UST: variants seen among roughly 807,000 people sequenced by gnomAD.
The protein encoded by UST is uronyl 2-sulfotransferase, also known as chondroitin sulfate 2-O-sulfotransferase.
In UST, 21 loss-of-function variants were observed where a neutral mutation model predicts 45.6. That is an observed-to-expected ratio of 0.46 (90% CI 0.33 to 0.66). The LOEUF (loss-of-function observed/expected upper bound fraction) is 0.66. Ranked by LOEUF, UST falls within the 30% of genes least tolerant of loss-of-function variation. The pLI is 0.02. For synonymous variants in UST, 215 were observed against 200.6 expected (o/e 1.07, Z -0.61); for missense variants, 463 against 512.4 (o/e 0.90, Z 0.93).
At chr6:148,963,119 A>G (rs972529195) in intron 4 of UST, among the ~76,000 whole-genome samples, 3 of 152,188 alleles carry the variant, frequency 2.0e-5, no homozygotes, top group Non-Finnish European at 4.4e-5. Context: ...GGCACAGAGG[A>G]GGGAGGCATG....
intron 1 of UST, among the ~76,000 whole-genome samples, chr6:148,768,395 A>G (rs1176768414): frequency 6.6e-6 from 1 of 152,182 alleles, no homozygotes; most frequent in East Asian, 1.9e-4. Context: ...TTTGACATAC[A>G]TGCAAGTAAT....
At chr6:148,893,879 A>C (rs560992402) in intron 2 of UST, among the ~76,000 whole-genome samples, 1 of 152,292 alleles carries the variant, frequency 6.6e-6, no homozygotes, top group South Asian at 2.1e-4. Context: ...GCGGACAGGC[A>C]TGGTGGCTTA....
chr6:148,895,319 A>G (rs936212364), intron 2 of UST, among the ~76,000 whole-genome samples: 1 of 152,146 alleles, frequency 6.6e-6, no homozygotes, highest in Non-Finnish European at 1.5e-5. Context: ...ATTATATTAC[A>G]TCATATTTTT....
intron 5 of UST, among the ~76,000 whole-genome samples, chr6:148,973,721 A>G (rs1050181799): frequency 1.3e-5 from 2 of 152,150 alleles, no homozygotes; most frequent in South Asian, 4.1e-4. Context: ...TTCCCTACCC[A>G]GCTGTTTTAC....
At chr6:148,799,701 CT>C (rs1269554293) in intron 1 of UST, among the ~76,000 whole-genome samples, 5 of 152,112 alleles carry the variant, frequency 3.3e-5, no homozygotes, top group South Asian at 4.2e-4. Flanking sequence ...TTATCTCTCT[CT>C]TCCTGCAATT....
rs567759724 is a variant in UST, at chr6:148,922,911, A to G, written c.292-18368A>G. On this transcript the variant is annotated intron_variant, in intron 2 of 7. Coordinates refer to ENST00000367463, the MANE Select transcript of UST (RefSeq NM_005715.3). ...AGGTTCAAGCAGTTCTCATGCCTCA[A>G]CGTCCCAAGTAGCTGGGATTACAGG... is the stretch of plus-strand genomic sequence containing the variant. Among the ~76,000 whole-genome samples, 5 of 152,152 alleles carry G rather than the reference A, an allele frequency of 3.3e-5. No individual in the cohort carries two copies. In the East Asian group the frequency reaches 7.7e-4, roughly 23 times the overall value.
intron 7 of UST, among the ~76,000 whole-genome samples, chr6:149,067,105 C>T (rs2115044878): frequency 6.6e-6 from 1 of 152,234 alleles, no homozygotes; most frequent in East Asian, 1.9e-4. Flanking sequence ...GCCCAATGCT[C>T]AGACAATGGA....
chr6:148,998,902 G>C (rs1781497803), intron 5 of UST, among the ~76,000 whole-genome samples: 1 of 150,918 alleles, frequency 6.6e-6, no homozygotes, highest in Non-Finnish European at 1.5e-5. Context: ...GGCAGCACTT[G>C]CAGCACTCAC....
intron 1 of UST, among the ~76,000 whole-genome samples, chr6:148,828,034 G>T (rs1245137742): frequency 6.6e-6 from 1 of 151,872 alleles, no homozygotes; most frequent in Admixed American, 6.6e-5. Flanking sequence ...GTTTAAGAAT[G>T]AATTTGAACC....
chr6:149,056,662 G>A (rs1776570888), intron 7 of UST, among the ~76,000 whole-genome samples: 3 of 152,228 alleles, frequency 2.0e-5, no homozygotes, highest in Admixed American at 2.0e-4. Context: ...TTAACAGGGA[G>A]AGAAGGAAGA....
At chr6:148,769,640 G>A (rs1776382822) in intron 1 of UST, among the ~76,000 whole-genome samples, 1 of 152,186 alleles carries the variant, frequency 6.6e-6, no homozygotes. Context: ...GTGGAAATTT[G>A]CATTTGTAAT....
chr6:149,067,641 G>T (rs1436508544), intron 7 of UST, among the ~76,000 whole-genome samples: 1 of 152,048 alleles, frequency 6.6e-6, no homozygotes, highest in African/African-American at 2.4e-5. Context: ...ATTAAAATTT[G>T]GTTGGAAAGG....
At position 148,769,074 on chromosome 6, in the gene UST, C is replaced by T. The variant is rs17081690; in HGVS notation, c.247+21397C>T. Among the ~76,000 whole-genome samples, 1,030 of 152,346 alleles carry T rather than the reference C, an allele frequency of 6.8e-3. 18 individuals are homozygous for T. The highest frequency in any genetic ancestry group is 0.024 in the African/African-American group (991 of 41,574). ...GGGTAACTGTATGGATCTCAGCCTC[C>T]TGGATTCCTACTGGGTCTTGAGCAA... is the stretch of plus-strand genomic sequence containing the variant. On this transcript the variant is annotated intron_variant, in intron 1 of 7. Transcript: ENST00000367463.
intron 7 of UST, among the ~76,000 whole-genome samples, chr6:149,061,660 G>A (rs1429405353): frequency 6.6e-6 from 1 of 152,246 alleles, no homozygotes; most frequent in Non-Finnish European, 1.5e-5. Flanking sequence ...GTGCCGGGCA[G>A]AGATGTGTTT....
Position 148,865,702 on chromosome 6 carries a change from GTGTGTGTGTGT to G in UST, c.248-21283_248-21273del, listed in dbSNP as rs1341885481. Among the ~76,000 whole-genome samples the G allele has an allele frequency of 6.4e-4, 94 of 147,276 alleles. 1 individual carries two copies. Among genetic ancestry groups the G allele is most frequent in the African/African-American group, 2.0e-3 (79 of 38,828 alleles). ...TGTGTGTGTGTGTGTGTGTGTGTGTGTGTGTGTGTGTGAATTCAGAGAAGAGGCAAATTAAT... is the reference window on the plus strand; with the variant it reads ...TGTGTGTGTGTGTGTGTGTGTGTGTGGAATTCAGAGAAGAGGCAAATTAAT... On this transcript the variant is annotated intron_variant, in intron 1 of 7. Transcript: ENST00000367463.
chr6:148,759,473 G>T (rs1217302909), intron 1 of UST, among the ~76,000 whole-genome samples: 1 of 151,812 alleles, frequency 6.6e-6, no homozygotes, highest in Non-Finnish European at 1.5e-5. Context: ...CTTGCAGTGA[G>T]CCGAGATCGC....
chr6:148,952,306 G>C (rs140703659), intron 3 of UST, among the ~76,000 whole-genome samples: 2 of 152,250 alleles, frequency 1.3e-5, no homozygotes, highest in South Asian at 4.1e-4. Context: ...GTGGTGTGTC[G>C]AGGATAAACA....
intron 1 of UST, among the ~76,000 whole-genome samples, chr6:148,881,506 C>T (rs1279191283): frequency 2.0e-5 from 3 of 152,148 alleles, no homozygotes; most frequent in Non-Finnish European, 4.4e-5. Flanking sequence ...ACAGTGCTGC[C>T]GTCTGGATCT....
At chr6:148,885,215 T>C (rs1205279121) in intron 1 of UST, among the ~76,000 whole-genome samples, 1 of 152,170 alleles carries the variant, frequency 6.6e-6, no homozygotes, top group African/African-American at 2.4e-5. Context: ...CTGTCTTCGA[T>C]CCTTGAGATT....
Sources: gnomAD v4.1 joint callset for allele counts (sites outside exome capture counted in the v4.1 genomes callset) on GRCh38, gnomAD v4.1.1 for gene constraint, MANE v1.5 for transcripts, NCBI Gene and HGNC (gene_info 2026-07-23, HGNC 2026-07-21) for gene names.